The following FTO variants were observed in gnomAD, a reference collection of about 807,000 sequenced individuals.
FTO encodes the protein alpha-ketoglutarate-dependent dioxygenase FTO.
FTO carries 47 observed loss-of-function variants against 63.9 expected under a neutral mutation model. That is an observed-to-expected ratio of 0.74 (90% CI 0.58 to 0.94). The LOEUF (loss-of-function observed/expected upper bound fraction) is 0.94. FTO is among the 40% of genes least tolerant of loss of function. The probability of loss-of-function intolerance (pLI) is 0.00; values close to 1 mark genes in which losing one functional copy is unlikely to be tolerated. For missense variants in FTO, 562 were observed against 618.1 expected, an observed-to-expected ratio of 0.91 and a Z score of 0.96; for synonymous variants, 207 against 224.4, an observed-to-expected ratio of 0.92 and a Z score of 0.69.
rs1484476346 is a variant in FTO, at chr16:54,117,511, C to CA, written c.*5597dup. ...ACTTAAAAATCACGCCACGCATGTA[C>CA]ATTATTATGATGAAAAATATGATCC... On this transcript the variant is annotated 3_prime_UTR_variant, in exon 9 of 9. Transcript: ENST00000471389. 6.6e-6 allele frequency: 1 copy of CA among 152,136 alleles called. No individual in the cohort carries two copies. Among genetic ancestry groups the CA allele is most frequent in the African/African-American group, 2.4e-5 (1 of 41,414 alleles). 9.4% of individuals were successfully genotyped at this position (152,136 alleles called of 1,614,324 possible).
At chr16:53,917,084 G>A (rs917908572) in intron 7 of FTO, among the ~76,000 whole-genome samples, 1 of 152,140 alleles carries the variant, frequency 6.6e-6, no homozygotes, top group Non-Finnish European at 1.5e-5. Context: ...GGTCAAGGGC[G>A]TAGCATCATT....
At chr16:54,007,800 C>T (rs1291839753) in intron 8 of FTO, among the ~76,000 whole-genome samples, 3 of 152,156 alleles carry the variant, frequency 2.0e-5, no homozygotes, top group Non-Finnish European at 4.4e-5. Context: ...TGGACTTGGT[C>T]AAAAAATCTC....
chr16:53,893,619 G>A (rs184079857), intron 7 of FTO, among the ~76,000 whole-genome samples: 80 of 151,386 alleles, frequency 5.3e-4, no homozygotes, highest in African/African-American at 1.9e-3. Context: ...TGCTAGGTGC[G>A]AAATCCTCTA....
chr16:53,806,745 C>T (rs914812815), intron 1 of FTO, among the ~76,000 whole-genome samples: 3 of 152,110 alleles, frequency 2.0e-5, no homozygotes, highest in Non-Finnish European at 4.4e-5. Flanking sequence ...TTTTTTTCTA[C>T]AAGTAATGAT....
At chr16:53,918,567 C>T (rs1432862633) in intron 7 of FTO, among the ~76,000 whole-genome samples, 1 of 152,158 alleles carries the variant, frequency 6.6e-6, no homozygotes, top group African/African-American at 2.4e-5. Context: ...AGGCAAGGAA[C>T]AGGACATTCT....
At chr16:53,836,287 C>G (rs1194213693) in intron 3 of FTO, among the ~76,000 whole-genome samples, 2 of 152,148 alleles carry the variant, frequency 1.3e-5, no homozygotes, top group Admixed American at 1.3e-4. Flanking sequence ...GCACCCTGGT[C>G]AAGAAATGAA....
intron 8 of FTO, among the ~76,000 whole-genome samples, chr16:54,080,874 A>G (rs547759843): frequency 6.6e-6 from 1 of 152,306 alleles, no homozygotes; most frequent in African/African-American, 2.4e-5. Context: ...CTTGCTTAAT[A>G]GACCACAAAA....
At chr16:53,875,569 C>G (rs1306004736) in intron 5 of FTO, among the ~76,000 whole-genome samples, 1 of 152,178 alleles carries the variant, frequency 6.6e-6, no homozygotes, top group Non-Finnish European at 1.5e-5. Context: ...GAGATGGGAA[C>G]AACTAAAGTT....
rs181852843 is a variant in FTO, at chr16:53,834,087, C to T, written c.751+7596C>T. On this transcript the variant is annotated intron_variant, in intron 3 of 8. Coordinates refer to ENST00000471389, the MANE Select transcript of FTO (RefSeq NM_001080432.3). ...TCACCCAGGCTGGAGTGCAGTGGCG[C>T]GATCTCAGCTCCCTGCAAGCTCCAC... 4.5e-3 allele frequency among the ~76,000 whole-genome samples: 687 copies of T among 151,918 alleles called. 8 individuals are homozygous for T. The highest frequency in any genetic ancestry group is 0.015 in the African/African-American group (628 of 41,428).
At chr16:53,745,569 A>G (rs2076631234) in intron 1 of FTO, among the ~76,000 whole-genome samples, 1 of 152,208 alleles carries the variant, frequency 6.6e-6, no homozygotes, top group South Asian at 2.1e-4. Context: ...TATGTCCACA[A>G]AGATAAGATA....
intron 4 of FTO, among the ~76,000 whole-genome samples, chr16:53,863,750 T>G (rs1243370316): frequency 1.3e-5 from 2 of 152,204 alleles, no homozygotes; most frequent in Non-Finnish European, 2.9e-5. Flanking sequence ...AAGCTTCTCT[T>G]GCCCTCCTGC....
chr16:53,917,217 G>A (rs1170357838), intron 7 of FTO, among the ~76,000 whole-genome samples: 3 of 152,154 alleles, frequency 2.0e-5, no homozygotes, highest in Admixed American at 6.5e-5. Context: ...CCAACCTGCC[G>A]TGTCAGTTTG....
At chr16:53,731,735 A>T (rs184682731) in intron 1 of FTO, among the ~76,000 whole-genome samples, 1 of 145,386 alleles carries the variant, frequency 6.9e-6, no homozygotes. Context: ...ACCACGCCCA[A>T]CTAATGTTTG....
At position 53,825,866 on chromosome 16, in the gene FTO, G is replaced by C. The variant is rs768675500; in HGVS notation, c.126G>C (p.Trp42Cys). 1.9e-6 allele frequency: 3 copies of C among 1,613,198 alleles called. No homozygotes were observed. Among genetic ancestry groups the C allele is most frequent in the Non-Finnish European group, 2.5e-6 (3 of 1,180,026 alleles). Reference protein sequence around the residue: ...TPKDDEFYQQWQLKYPKLILR... With the variant: ...TPKDDEFYQQCQLKYPKLILR... The stretch of plus-strand genomic sequence containing the variant: ...TTTTTGCTTTGGTTTTGTTTTAGTG[G>C]CAGCTGAAATATCCTAAACTAATTC... The change falls in exon 3 of 9, where the codon TGG becomes TGC. Residue 42 changes from tryptophan to cysteine, a missense_variant and splice_region_variant. Transcript: ENST00000471389.
At chr16:53,762,791 A>G (rs2077100423) in intron 1 of FTO, among the ~76,000 whole-genome samples, 2 of 152,242 alleles carry the variant, frequency 1.3e-5, no homozygotes, top group African/African-American at 2.4e-5. Context: ...TTTTGTAGAC[A>G]GGAACCTTAC....
At chr16:53,888,436 T>TAAAAATAA (rs2081063556) in intron 6 of FTO, among the ~76,000 whole-genome samples, 1 of 151,946 alleles carries the variant, frequency 6.6e-6, no homozygotes, top group Non-Finnish European at 1.5e-5. Context: ...AATTTATTAG[T>TAAAAATAA]AGCTTGGCCA....
chr16:53,888,112 A>G (rs768704211), intron 6 of FTO, among the ~76,000 whole-genome samples: 51 of 152,068 alleles, frequency 3.4e-4, no homozygotes, highest in Non-Finnish European at 2.5e-4. Context: ...ATTGACTTAT[A>G]GTTTCCTCAC....
chr16:54,015,485 A>G (rs1326058068), intron 8 of FTO, among the ~76,000 whole-genome samples: 1 of 152,138 alleles, frequency 6.6e-6, no homozygotes, highest in Non-Finnish European at 1.5e-5. Context: ...TAACTAACCA[A>G]TAAAAAAATA....
Position 54,016,580 on chromosome 16 carries a change from TA to T in FTO, c.1364+82476del, listed in dbSNP as rs1325499356. 3.9e-5 allele frequency among the ~76,000 whole-genome samples: 6 copies of T among 152,356 alleles called. No individual in the cohort carries two copies. In the South Asian group the frequency reaches 1.2e-3, roughly 32 times the overall value. On this transcript the variant is annotated intron_variant, in intron 8 of 8. Coordinates refer to ENST00000471389, the MANE Select transcript of FTO (RefSeq NM_001080432.3). ...GTAGCACAAGTTGTTTAATGTTCTC[TA>T]AAAAGCATTCCCCACAAATAGCAGT...
Sources: gnomAD v4.1 joint callset for allele counts (sites outside exome capture counted in the v4.1 genomes callset) on GRCh38, gnomAD v4.1.1 for gene constraint, MANE v1.5 for transcripts, NCBI Gene and HGNC (gene_info 2026-07-23, HGNC 2026-07-21) for gene names.